Variants in SFMBT1 observed in about 807,000 individuals in gnomAD.
The protein encoded by SFMBT1 is scm-like with four MBT domains protein 1.
In SFMBT1, 32 loss-of-function variants were observed where a neutral mutation model predicts 108.7. The ratio of observed to expected loss-of-function variants is 0.29; its 90% CI spans 0.22 to 0.40. SFMBT1 has a LOEUF of 0.40. SFMBT1 is among the 10% of genes least tolerant of loss of function. SFMBT1 has a pLI of 1.00. For missense variants in SFMBT1, 816 were observed against 1,059.6 expected (o/e 0.77, Z 3.19); for synonymous variants, 348 against 369.5 (o/e 0.94, Z 0.67).
Position 52,990,932 on chromosome 3 carries a change from A to T in SFMBT1, c.-130-21674T>A, listed in dbSNP as rs367845282. On this transcript the variant is annotated intron_variant, in intron 1 of 20. Transcript: ENST00000394752. Reference sequence around the variant, plus strand: ...AATAATTTTTTCACTTCAAATGATGAGTAATGAAGTTCAACATATAAACAT... The same window carrying T: ...AATAATTTTTTCACTTCAAATGATGTGTAATGAAGTTCAACATATAAACAT... Among the ~76,000 whole-genome samples, 38 of 152,340 alleles carry T rather than the reference A, an allele frequency of 2.5e-4. No individual in the cohort carries two copies. The East Asian group carries it at 4.4e-3, about 18-fold the overall frequency.
chr3:52,948,091 T>C (rs895367823), intron 3 of SFMBT1, among the ~76,000 whole-genome samples: 2 of 152,244 alleles, frequency 1.3e-5, no homozygotes, highest in African/African-American at 4.8e-5. Context: ...ATAAGGATCA[T>C]AAACTATATT....
chr3:52,912,971 G>T (rs1194663237), intron 15 of SFMBT1, among the ~76,000 whole-genome samples: 1 of 152,142 alleles, frequency 6.6e-6, no homozygotes, highest in Non-Finnish European at 1.5e-5. Context: ...TATTTGTTTG[G>T]ACCACTGTGT....
chr3:52,991,921 G>GTTCTGTCA (rs1005868930), intron 1 of SFMBT1, among the ~76,000 whole-genome samples: 11 of 152,224 alleles, frequency 7.2e-5, no homozygotes, highest in African/African-American at 2.7e-4. Context: ...AGTCTCAGGT[G>GTTCTGTCA]TTCTGTCATA....
In SFMBT1 at chr3:52,905,423, C is replaced by T. The variant is rs1239074870; in HGVS notation, c.2461-147G>A. Reference sequence around the variant, plus strand: ...TTTTCGTCTTAGGTATCACACACTTCCTTTTAAGTGACTCCATAGTCTTCC... The same window carrying T: ...TTTTCGTCTTAGGTATCACACACTTTCTTTTAAGTGACTCCATAGTCTTCC... On this transcript the variant is annotated intron_variant, in intron 20 of 20. Transcript: ENST00000394752. 6 of 679,552 alleles carry T rather than the reference C, an allele frequency of 8.8e-6. No homozygotes were observed. The East Asian group carries it at 1.8e-4, about 20-fold the overall frequency. The allele number at this position is 679,552 out of a possible 1,614,324, so 42.1% of individuals were successfully genotyped here.
intron 9 of SFMBT1, among the ~76,000 whole-genome samples, chr3:52,927,381 G>C (rs1270984557): frequency 6.6e-6 from 1 of 152,216 alleles, no homozygotes; most frequent in Non-Finnish European, 1.5e-5. Context: ...CAAAGGTTCT[G>C]AGTTTATGAC....
chr3:52,997,417 T>C (rs1698374737), intron 1 of SFMBT1, among the ~76,000 whole-genome samples: 1 of 149,134 alleles, frequency 6.7e-6, no homozygotes, highest in Admixed American at 6.8e-5. Flanking sequence ...GCACCTGTAG[T>C]CCCAGCTACT....
intron 18 of SFMBT1, 80 bp downstream of exon 18, chr3:52,907,475 C>T: frequency 6.5e-7 from 1 of 1,534,624 alleles, no homozygotes; most frequent in East Asian, 2.3e-5. Flanking sequence ...TTAGAAAGAC[C>T]TGCAGGTATT....
rs576301751 is a variant in SFMBT1 at position 52,981,984 on chromosome 3, C to T, written c.-130-12726G>A. Among the ~76,000 whole-genome samples the T allele has an allele frequency of 7.9e-5, 12 of 152,192 alleles. No homozygotes were observed. In the East Asian group the frequency reaches 1.5e-3, roughly 20 times the overall value. ...GTCCCTGAAGTCAGGAAGTACCTTG[C>T]CAGTAAGGGTCTGCTTTTTCAAGTT... On this transcript the variant is annotated intron_variant, in intron 1 of 20. Transcript: ENST00000394752.
chr3:53,037,992 T>A (rs1699919805), intron 1 of SFMBT1, among the ~76,000 whole-genome samples: 1 of 152,064 alleles, frequency 6.6e-6, no homozygotes, highest in South Asian at 2.1e-4. Context: ...GCACCTGTAA[T>A]CCCAGCTACT....
At chr3:53,012,308 C>T (rs1277233645) in intron 1 of SFMBT1, among the ~76,000 whole-genome samples, 1 of 152,074 alleles carries the variant, frequency 6.6e-6, no homozygotes, top group Non-Finnish European at 1.5e-5. Flanking sequence ...AAACTGAAGG[C>T]CGTGAATAAG....
intron 13 of SFMBT1, 121 bp from the exon 14 acceptor site, chr3:52,916,335 G>T: frequency 1.6e-6 from 1 of 628,876 alleles, no homozygotes; most frequent in Non-Finnish European, 2.8e-6. Context: ...ATCTGTAACA[G>T]AAGGTACTCC....
At chr3:53,015,688 C>T (rs1336987457) in intron 1 of SFMBT1, among the ~76,000 whole-genome samples, 1 of 152,178 alleles carries the variant, frequency 6.6e-6, no homozygotes, top group Non-Finnish European at 1.5e-5. Flanking sequence ...CAAAAGACCA[C>T]ATATTATATG....
intron 1 of SFMBT1, among the ~76,000 whole-genome samples, chr3:53,005,955 C>A (rs1000888816): frequency 6.6e-6 from 1 of 152,150 alleles, no homozygotes; most frequent in African/African-American, 2.4e-5. Flanking sequence ...GTGGGGCAGG[C>A]AGGACCATGC....
intron 2 of SFMBT1, among the ~76,000 whole-genome samples, chr3:52,964,745 A>C (rs1704075622): frequency 6.6e-6 from 1 of 152,154 alleles, no homozygotes; most frequent in Non-Finnish European, 1.5e-5. Flanking sequence ...TCCAGAAAGC[A>C]AGGACTAACT....
chr3:52,961,109 G>C (rs1473373384), intron 2 of SFMBT1, among the ~76,000 whole-genome samples: 1 of 152,096 alleles, frequency 6.6e-6, no homozygotes, highest in Non-Finnish European at 1.5e-5. Context: ...CTCCAGCCTG[G>C]GCTGTTAGAG....
At chr3:53,042,829 A>G (rs1180212546) in intron 1 of SFMBT1, among the ~76,000 whole-genome samples, 2 of 152,256 alleles carry the variant, frequency 1.3e-5, no homozygotes, top group Non-Finnish European at 2.9e-5. Context: ...CACAAAAAGA[A>G]ACAATGTATC....
At chr3:52,986,739 G>A (rs1704931443) in intron 1 of SFMBT1, among the ~76,000 whole-genome samples, 1 of 136,180 alleles carries the variant, frequency 7.3e-6, no homozygotes, top group Non-Finnish European at 1.5e-5. Context: ...TCGCGCCACT[G>A]CACTTTAGCC....
chr3:52,983,408 G>C (rs540915771), intron 1 of SFMBT1, among the ~76,000 whole-genome samples: 1 of 152,352 alleles, frequency 6.6e-6, no homozygotes, highest in South Asian at 2.1e-4. Flanking sequence ...CTGGTCAACA[G>C]TAGGCTATTA....
intron 1 of SFMBT1, among the ~76,000 whole-genome samples, chr3:52,971,393 C>T (rs530560125): frequency 6.6e-6 from 1 of 152,088 alleles, no homozygotes; most frequent in Non-Finnish European, 1.5e-5. Context: ...ATATAAGCAC[C>T]GAAACCCACA....
Sources: gnomAD v4.1 joint callset for allele counts (sites outside exome capture counted in the v4.1 genomes callset) on GRCh38, gnomAD v4.1.1 for gene constraint, MANE v1.5 for transcripts, NCBI Gene and HGNC (gene_info 2026-07-23, HGNC 2026-07-21) for gene names.